KCND2: variants seen among roughly 807,000 people sequenced by gnomAD.
KCND2 encodes potassium voltage-gated channel subfamily D member 2, also known as A-type voltage-gated potassium channel KCND2.
A neutral mutation model predicts 54.4 loss-of-function variants in KCND2; 16 were observed. The ratio of observed to expected loss-of-function variants is 0.29; its 90% confidence interval spans 0.20 to 0.45. The LOEUF (loss-of-function observed/expected upper bound fraction) is 0.45, where lower values mean the gene tolerates loss of function less well. KCND2 is among the 20% of genes least tolerant of loss of function. KCND2 has a pLI of 1.00. For synonymous variants in KCND2, 317 were observed against 310.7 expected (o/e 1.02, Z -0.21); for missense variants, 486 against 824.2 (o/e 0.59, Z 5.02).
intron 1 of KCND2, among the ~76,000 whole-genome samples, chr7:120,617,735 GA>G: frequency 6.6e-6 from 1 of 152,176 alleles, no homozygotes; most frequent in African/African-American, 2.4e-5. Flanking sequence ...CAAACACATG[GA>G]ATCAACCCAG....
chr7:120,372,856 C>G (rs1477210034), intron 1 of KCND2, among the ~76,000 whole-genome samples: 1 of 151,858 alleles, frequency 6.6e-6, no homozygotes, highest in Admixed American at 6.6e-5. Context: ...CTGCTAAGTC[C>G]CCAGAATGGA....
chr7:120,733,073 T>C lies in KCND2; in HGVS notation c.1278+8T>C. ...AAACGAAGGGCACAAAAGGTGCGTA[T>C]TCAACTCCGTGCAACCATGGTTTAG... is the stretch of plus-strand genomic sequence containing the variant. On this transcript the variant is annotated splice_region_variant and intron_variant, in intron 2 of 5. Transcript: ENST00000331113. 6.2e-7 allele frequency: 1 copy of C among 1,613,266 alleles called. No individual in the cohort carries two copies. Among genetic ancestry groups the C allele is most frequent in the East Asian group, 2.2e-5 (1 of 44,790 alleles).
At chr7:120,636,111 G>A (rs1793301699) in intron 1 of KCND2, among the ~76,000 whole-genome samples, 1 of 151,978 alleles carries the variant, frequency 6.6e-6, no homozygotes, top group Non-Finnish European at 1.5e-5. Context: ...GTAGATTGAT[G>A]GGTTTATTTA....
At chr7:120,485,770 A>T (rs1374611894) in intron 1 of KCND2, among the ~76,000 whole-genome samples, 1 of 152,198 alleles carries the variant, frequency 6.6e-6, no homozygotes, top group Non-Finnish European at 1.5e-5. Flanking sequence ...TTCTTCCTAG[A>T]TAAACTGCAC....
chr7:120,429,954 C>T (rs1801766634), intron 1 of KCND2, among the ~76,000 whole-genome samples: 1 of 152,070 alleles, frequency 6.6e-6, no homozygotes, highest in Admixed American at 6.6e-5. Context: ...ATGATCTATG[C>T]ATGATCATGC....
At chr7:120,388,635 C>G (rs1237342520) in intron 1 of KCND2, among the ~76,000 whole-genome samples, 1 of 151,890 alleles carries the variant, frequency 6.6e-6, no homozygotes, top group Non-Finnish European at 1.5e-5. Context: ...GAGCCAGACT[C>G]ACACCTCAAT....
chr7:120,730,744 T>A (rs996558286), intron 1 of KCND2, among the ~76,000 whole-genome samples: 42 of 152,156 alleles, frequency 2.8e-4, no homozygotes, highest in Admixed American at 2.7e-3. Context: ...ATAGGGTCAC[T>A]AAATGTGGCA....
At chr7:120,424,551 A>G (rs1325210133) in intron 1 of KCND2, among the ~76,000 whole-genome samples, 1 of 152,232 alleles carries the variant, frequency 6.6e-6, no homozygotes, top group Admixed American at 6.5e-5. Context: ...CTAGTTCTAG[A>G]AGCCAAGAAC....
At chr7:120,624,332 G>A (rs1793138790) in intron 1 of KCND2, among the ~76,000 whole-genome samples, 1 of 152,096 alleles carries the variant, frequency 6.6e-6, no homozygotes, top group East Asian at 1.9e-4. Context: ...CATTAATATG[G>A]TGCAGCTTTC....
chr7:120,609,454 T>A (rs961124487), intron 1 of KCND2, among the ~76,000 whole-genome samples: 20 of 152,164 alleles, frequency 1.3e-4, no homozygotes, highest in African/African-American at 4.3e-4. Flanking sequence ...GATCCACTCA[T>A]ATGGTCTAAC....
chr7:120,397,500 A>G (rs1323832292), intron 1 of KCND2, among the ~76,000 whole-genome samples: 1 of 152,002 alleles, frequency 6.6e-6, no homozygotes, highest in African/African-American at 2.4e-5. Flanking sequence ...TTGACTTTAA[A>G]GTTCTCAATT....
intron 1 of KCND2, among the ~76,000 whole-genome samples, chr7:120,708,235 T>G (rs1792494563): frequency 6.6e-6 from 1 of 152,070 alleles, no homozygotes; most frequent in African/African-American, 2.4e-5. Flanking sequence ...TTGTATACAA[T>G]GCAATGAAAC....
intron 1 of KCND2, among the ~76,000 whole-genome samples, chr7:120,396,578 G>T (rs1316605067): frequency 6.6e-6 from 1 of 151,918 alleles, no homozygotes; most frequent in Non-Finnish European, 1.5e-5. Flanking sequence ...ATTATTATTT[G>T]TGAGTTTCTA....
intron 1 of KCND2, among the ~76,000 whole-genome samples, chr7:120,579,601 AAAATAAATAAATAAATAAATAAATAAAT>A (rs369944416): frequency 3.3e-4 from 47 of 140,358 alleles, no homozygotes; most frequent in African/African-American, 1.2e-3. Context: ...ACTCTGTCTA[AAAATAAATAAATAAATAAATAAATAAAT>A]AAATAAATAA....
intron 1 of KCND2, among the ~76,000 whole-genome samples, chr7:120,323,027 C>G (rs6942451): frequency 6.6e-6 from 1 of 151,980 alleles, no homozygotes; most frequent in African/African-American, 2.4e-5. Flanking sequence ...ATGTGCAGAA[C>G]GAGCAGGTTT....
At chr7:120,467,378 T>G (rs1802387099) in intron 1 of KCND2, among the ~76,000 whole-genome samples, 2 of 152,126 alleles carry the variant, frequency 1.3e-5, no homozygotes, top group South Asian at 4.1e-4. Context: ...AAGAGAATTG[T>G]GCTGGGGTGG....
At chr7:120,607,763 A>G (rs550251211) in intron 1 of KCND2, among the ~76,000 whole-genome samples, 1 of 152,230 alleles carries the variant, frequency 6.6e-6, no homozygotes, top group African/African-American at 2.4e-5. Flanking sequence ...AAGATACACA[A>G]GGGCTGTGGT....
At chr7:120,369,401 A>G (rs752995922) in intron 1 of KCND2, among the ~76,000 whole-genome samples, 2 of 152,164 alleles carry the variant, frequency 1.3e-5, no homozygotes, top group Non-Finnish European at 1.5e-5. Flanking sequence ...GCGGGGGTCA[A>G]TCTTTTAAAG....
intron 1 of KCND2, among the ~76,000 whole-genome samples, chr7:120,340,008 G>GA (rs1430893906): frequency 6.6e-6 from 1 of 152,198 alleles, no homozygotes; most frequent in Admixed American, 6.5e-5. Flanking sequence ...CATTAGGTCA[G>GA]AAAGGGAGTG....
Sources: allele counts gnomAD v4.1 joint callset (sites outside exome capture counted in the v4.1 genomes callset), GRCh38; gene constraint gnomAD v4.1.1; transcripts MANE v1.5; gene names NCBI Gene and HGNC (gene_info 2026-07-23, HGNC 2026-07-21).